The following POTEB3 variants were observed in gnomAD, a reference collection of about 807,000 sequenced individuals.
The protein encoded by POTEB3 is ANKRD26-like family B member 1.
In POTEB3, 5 loss-of-function variants were observed where a neutral mutation model predicts 39.8. The ratio of observed to expected loss-of-function variants is 0.13; its 90% confidence interval spans 0.07 to 0.26. The LOEUF is 0.26. Among genes scored for constraint, POTEB3 ranks in the 10% least tolerant of loss-of-function variants. POTEB3 has a pLI of 1.00. For synonymous variants in POTEB3, 5 were observed against 161.5 expected, an observed-to-expected ratio of 0.03 and a Z score of 7.35; for missense variants, 24 against 475.6, an observed-to-expected ratio of 0.05 and a Z score of 8.83.
At chr15:21,426,361 T>A (rs1395379449) in intron 6 of POTEB3, 3 of 328,938 alleles carry the variant, frequency 9.1e-6, no homozygotes, top group Non-Finnish European at 1.8e-5. Context: ...TAATAAATCA[T>A]AATTATAAGC....
At chr15:21,423,129 T>C (rs1404816719) in intron 6 of POTEB3, among the ~76,000 whole-genome samples, 1 of 142,960 alleles carries the variant, frequency 7.0e-6, no homozygotes, top group Non-Finnish European at 1.6e-5. Flanking sequence ...TTAGCTGGGG[T>C]CTTGCTCTGT....
At chr15:21,431,046 G>C (rs1414102484) in intron 4 of POTEB3, among the ~76,000 whole-genome samples, 1 of 149,556 alleles carries the variant, frequency 6.7e-6, no homozygotes, top group East Asian at 2.0e-4. Flanking sequence ...ACCCAGTCTT[G>C]TGTGAATCCA....
rs1175705960 is a variant in POTEB3, at chr15:21,433,808, C to A, written c.810+853G>T. Among the ~76,000 whole-genome samples the A allele has an allele frequency of 4.6e-5, 7 of 151,364 alleles. No homozygotes were observed. The East Asian group carries it at 9.7e-4, about 21-fold the overall frequency. ...TGGCCATTTCTACCAGAATAGGATA[C>A]TAAGTTGGTTAATTACTTGTTATTC... On this transcript the variant is annotated intron_variant, in intron 3 of 10. Transcript: ENST00000611217.
intron 3 of POTEB3, among the ~76,000 whole-genome samples, chr15:21,434,114 T>A (rs1899095854): frequency 3.5e-5 from 5 of 142,366 alleles, no homozygotes; most frequent in Non-Finnish European, 7.6e-5. Context: ...TTTTCCCCCA[T>A]TACCTAATTT....
chr15:21,410,118 T>A (rs1898293700), intron 10 of POTEB3, among the ~76,000 whole-genome samples: 1 of 92,998 alleles, frequency 1.1e-5, no homozygotes, highest in Non-Finnish European at 2.0e-5. Flanking sequence ...AGAAGCCTTT[T>A]ATTTCAAAAT....
At chr15:21,413,019 A>C (rs1248391871) in intron 9 of POTEB3, among the ~76,000 whole-genome samples, 6 of 91,032 alleles carry the variant, frequency 6.6e-5, no homozygotes, top group Non-Finnish European at 4.2e-5. Context: ...CCAGAAGCTC[A>C]AACAAATCAG....
At chr15:21,427,584 TC>T in intron 6 of POTEB3, 100 bp downstream of exon 6, 1 of 463,644 alleles carries the variant, frequency 2.2e-6, no homozygotes, top group Non-Finnish European at 3.4e-6. Context: ...ATCCCCACCT[TC>T]CCCCAGCCCA....
In POTEB3 at chr15:21,436,406, G is replaced by A. The variant is rs1178111576; in HGVS notation, c.522-1298C>T. ...TATAAGTGAGACCATGCAGTATTTG[G>A]TTTTCTCTTCCTATGTTAGTTTGCT... is the stretch of plus-strand genomic sequence containing the variant. On this transcript the variant is annotated intron_variant, in intron 1 of 10. Transcript: ENST00000611217. 4.0e-5 allele frequency among the ~76,000 whole-genome samples: 5 copies of A among 125,074 alleles called. No individual in the cohort carries two copies. The East Asian group carries it at 8.7e-4, about 22-fold the overall frequency. 82.1% of individuals were successfully genotyped at this position (125,074 alleles called of 152,430 possible).
intron 9 of POTEB3, 147 bp from the exon 10 acceptor site, chr15:21,411,148 C>G: frequency 2.4e-6 from 1 of 414,442 alleles, no homozygotes; most frequent in Non-Finnish European, 3.7e-6. Context: ...TCTGTTAACC[C>G]TGCTCTCCCA....
chr15:21,423,004 C>T (rs1195228938), intron 6 of POTEB3, among the ~76,000 whole-genome samples: 26 of 147,942 alleles, frequency 1.8e-4, no homozygotes, highest in South Asian at 8.7e-4. Flanking sequence ...ACCTTACAAA[C>T]GATTTCCAAA....
At chr15:21,419,807 C>T (rs1898464054) in intron 8 of POTEB3, among the ~76,000 whole-genome samples, 177 bp from the exon 9 acceptor site, 1 of 139,640 alleles carries the variant, frequency 7.2e-6, no homozygotes, top group East Asian at 2.0e-4. Flanking sequence ...ATGTAATTAT[C>T]ATGTCATTAG....
chr15:21,430,884 G>T (rs1381511864), intron 4 of POTEB3, among the ~76,000 whole-genome samples: 24 of 151,950 alleles, frequency 1.6e-4, no homozygotes, highest in Non-Finnish European at 2.2e-4. Context: ...CATGTGCTAC[G>T]CACTGAATTA....
At chr15:21,422,686 C>G (rs1358582607) in intron 6 of POTEB3, among the ~76,000 whole-genome samples, 4 of 148,810 alleles carry the variant, frequency 2.7e-5, no homozygotes, top group African/African-American at 7.4e-5. Flanking sequence ...AAAACAAATT[C>G]CTTTACCATC....
intron 3 of POTEB3, among the ~76,000 whole-genome samples, chr15:21,433,830 A>G (rs1481530166): frequency 4.0e-4 from 60 of 151,388 alleles, no homozygotes; most frequent in African/African-American, 1.3e-3. Flanking sequence ...ATTACTTGTT[A>G]TTCCTTCTAC....
intron 4 of POTEB3, among the ~76,000 whole-genome samples, chr15:21,430,792 T>A (rs139365999): frequency 6.6e-6 from 1 of 151,020 alleles, no homozygotes; most frequent in Non-Finnish European, 1.5e-5. Context: ...AAATAAGAGC[T>A]CTCTGCATGC....
In POTEB3 at chr15:21,408,117, C is replaced by T. The variant is rs1328107054; in HGVS notation, c.*866G>A. ...TGAGCAGTAAGGGGTGTGTTGTACCCGTGGAAGATGGACTGACTTGTTCCT... is the reference window on the plus strand; with the variant it reads ...TGAGCAGTAAGGGGTGTGTTGTACCTGTGGAAGATGGACTGACTTGTTCCT... On this transcript the variant is annotated 3_prime_UTR_variant, in exon 11 of 11. Coordinates refer to ENST00000611217, the MANE Select transcript of POTEB3 (RefSeq NM_207355.5). 1.2e-4 allele frequency: 10 copies of T among 82,436 alleles called. 4 individuals are homozygous for T. The highest frequency in any genetic ancestry group is 7.7e-4 in the African/African-American group (6 of 7,786). The allele number at this position is 82,436 out of a possible 1,614,324, so 5.1% of individuals were successfully genotyped here. A position where few individuals can be genotyped will look rare whatever the true frequency, so the allele number is the denominator to read the frequency against.
chr15:21,417,863 G>A (rs1455383072), intron 9 of POTEB3, among the ~76,000 whole-genome samples: 1 of 108,484 alleles, frequency 9.2e-6, no homozygotes, highest in Non-Finnish European at 1.8e-5. Context: ...TTTCTCAAAG[G>A]AAAGATACTG....
chr15:21,433,567 T>C (rs1899061890), intron 3 of POTEB3, among the ~76,000 whole-genome samples: 1 of 150,622 alleles, frequency 6.6e-6, no homozygotes, highest in South Asian at 2.1e-4. Flanking sequence ...TCTCATCACA[T>C]AAACAATTCC....
In POTEB3 at chr15:21,408,194, C is replaced by G. The variant is rs1453508339; in HGVS notation, c.*789G>C. Reference sequence around the variant, plus strand: ...GTCAATATGGCACTTAGGGTCTTTGCTCCCTTGACATTCTGAGGGTAGCAA... The same window carrying G: ...GTCAATATGGCACTTAGGGTCTTTGGTCCCTTGACATTCTGAGGGTAGCAA... On this transcript the variant is annotated 3_prime_UTR_variant, in exon 11 of 11. Transcript: ENST00000611217. 1 of 76,720 alleles carries G rather than the reference C, an allele frequency of 1.3e-5. No homozygotes were observed. Among genetic ancestry groups the G allele is most frequent in the Non-Finnish European group, 2.3e-5 (1 of 43,138 alleles). The allele number at this position is 76,720 out of a possible 1,614,324, so 4.8% of individuals were successfully genotyped here. A position where few individuals can be genotyped will look rare whatever the true frequency, so the allele number is the denominator to read the frequency against.
Sources: allele counts gnomAD v4.1 joint callset (sites outside exome capture counted in the v4.1 genomes callset), GRCh38; gene constraint gnomAD v4.1.1; transcripts MANE v1.5; gene names NCBI Gene and HGNC (gene_info 2026-07-23, HGNC 2026-07-21).